The following ELMO1 variants were observed in gnomAD, a reference collection of about 807,000 sequenced individuals.
ELMO1 encodes engulfment and cell motility protein 1.
A neutral mutation model predicts 98.9 loss-of-function variants in ELMO1; 26 were observed. The observed-to-expected ratio is 0.26, with a 90% CI of 0.19 to 0.36. The LOEUF (loss-of-function observed/expected upper bound fraction) is 0.36. Among genes scored for constraint, ELMO1 ranks in the 10% least tolerant of loss-of-function variants. The pLI is 1.00. For synonymous variants in ELMO1, 346 were observed against 346.0 expected (o/e 1.00, Z 0.00); for missense variants, 627 against 935.2 (o/e 0.67, Z 4.30).
chr7:37,140,279 C>T (rs1248862132), intron 13 of ELMO1, among the ~76,000 whole-genome samples: 4 of 151,328 alleles, frequency 2.6e-5, no homozygotes, highest in African/African-American at 4.9e-5. Flanking sequence ...CCAACTACTC[C>T]GGAGGCTGAG....
intron 14 of ELMO1, among the ~76,000 whole-genome samples, chr7:37,130,053 T>C (rs1382122737): frequency 6.6e-6 from 1 of 152,148 alleles, no homozygotes; most frequent in East Asian, 1.9e-4. Flanking sequence ...ATTCAACAGT[T>C]CTGAGCCTAG....
chr7:37,248,105 T>C (rs1021847808), intron 6 of ELMO1, among the ~76,000 whole-genome samples: 3 of 151,316 alleles, frequency 2.0e-5, no homozygotes, highest in African/African-American at 4.9e-5. Context: ...CTCCTCAAAT[T>C]TGCATCCTCA....
At chr7:37,328,040 A>G (rs189235985) in intron 2 of ELMO1, among the ~76,000 whole-genome samples, 2 of 152,286 alleles carry the variant, frequency 1.3e-5, no homozygotes, top group African/African-American at 4.8e-5. Context: ...AGATGATATT[A>G]CTAAGTGTAT....
intron 15 of ELMO1, among the ~76,000 whole-genome samples, chr7:37,061,474 C>T (rs1796663793): frequency 6.6e-6 from 1 of 152,174 alleles, no homozygotes; most frequent in Admixed American, 6.5e-5. Flanking sequence ...GGTGGTAGCA[C>T]TTACTGACCC....
intron 16 of ELMO1, among the ~76,000 whole-genome samples, chr7:37,008,330 G>A (rs1021902738): frequency 6.6e-6 from 1 of 152,190 alleles, no homozygotes; most frequent in Non-Finnish European, 1.5e-5. Flanking sequence ...TTGCTACCGT[G>A]TGTTTCACAC....
intron 15 of ELMO1, among the ~76,000 whole-genome samples, chr7:37,049,425 T>C (rs1289150795): frequency 6.6e-6 from 1 of 152,174 alleles, no homozygotes; most frequent in African/African-American, 2.4e-5. Flanking sequence ...CGTCCAGCTC[T>C]CTTCTCCTTT....
Position 36,855,425 on chromosome 7 carries a change from AG to A in ELMO1, c.*125del. 1 of 1,225,614 alleles carries A rather than the reference AG, an allele frequency of 8.2e-7. No homozygotes were observed. Among genetic ancestry groups the A allele is most frequent in the East Asian group, 2.3e-5 (1 of 42,768 alleles). The allele number at this position is 1,225,614 out of a possible 1,614,324, so 75.9% of individuals were successfully genotyped here. A position where few individuals can be genotyped will look rare whatever the true frequency, so the allele number is the denominator to read the frequency against. ...TTGCCAGGGCTAGAGGTGATGCTGA[AG>A]GGAATGTGGACCCACAGCTTCCCTT... is the stretch of plus-strand genomic sequence containing the variant. On this transcript the variant is annotated 3_prime_UTR_variant, in exon 22 of 22. Coordinates refer to ENST00000310758, the MANE Select transcript of ELMO1 (RefSeq NM_014800.11). This position sits in a 1 kb window ranked among gnomAD's most constrained non-coding sequence, Gnocchi z 4.2.
rs183698356 is a variant in ELMO1 at position 36,895,413 on chromosome 7, C to A, written c.1438-396G>T. On this transcript the variant is annotated intron_variant, in intron 16 of 21. Coordinates refer to ENST00000310758, the MANE Select transcript of ELMO1 (RefSeq NM_014800.11). ...TAATTATTTTTTTCCAGGAGAAAATCGCTGAGATACAATTAACTGTGGAAG... is the reference window on the plus strand; with the variant it reads ...TAATTATTTTTTTCCAGGAGAAAATAGCTGAGATACAATTAACTGTGGAAG... 3.9e-3 allele frequency among the ~76,000 whole-genome samples: 596 copies of A among 152,222 alleles called. 4 individuals are homozygous for A. The highest frequency in any genetic ancestry group is 5.0e-3 in the Non-Finnish European group (338 of 68,008).
intron 1 of ELMO1, among the ~76,000 whole-genome samples, chr7:37,407,951 T>A (rs1004074589): frequency 6.6e-6 from 1 of 152,134 alleles, no homozygotes; most frequent in Admixed American, 6.5e-5. Context: ...AAACCTAAAA[T>A]TTCTCTTAGA....
intron 1 of ELMO1, among the ~76,000 whole-genome samples, chr7:37,401,047 G>A (rs1803506995): frequency 2.6e-5 from 4 of 152,146 alleles, no homozygotes; most frequent in Non-Finnish European, 4.4e-5. Context: ...ATCTGCAGAA[G>A]TTTAATTCAA....
intron 15 of ELMO1, among the ~76,000 whole-genome samples, chr7:37,065,304 C>T (rs946708093): frequency 2.6e-5 from 4 of 151,996 alleles, no homozygotes; most frequent in Non-Finnish European, 2.9e-5. Flanking sequence ...ATGCATCCAC[C>T]TGTGGCTACC....
At chr7:36,878,258 C>A in intron 18 of ELMO1, 141 bp from the exon 19 acceptor site, 1 of 640,442 alleles carries the variant, frequency 1.6e-6, no homozygotes, top group Non-Finnish European at 2.7e-6. Context: ...AATTCTAGGG[C>A]CCTGGGCAAT....
chr7:37,402,488 A>G (rs1803577857), intron 1 of ELMO1, among the ~76,000 whole-genome samples: 1 of 152,184 alleles, frequency 6.6e-6, no homozygotes, highest in East Asian at 1.9e-4. Flanking sequence ...CTTTCTTCCT[A>G]AGTGTTTGGG....
At chr7:37,217,545 A>G (rs1264954005) in intron 10 of ELMO1, among the ~76,000 whole-genome samples, 2 of 151,990 alleles carry the variant, frequency 1.3e-5, no homozygotes, top group Non-Finnish European at 2.9e-5. Flanking sequence ...TAAAAACTCA[A>G]CCATGATTTC....
Position 37,107,645 on chromosome 7 carries a change from G to A in ELMO1, c.1192-10918C>T, listed in dbSNP as rs530777640. On this transcript the variant is annotated intron_variant, in intron 14 of 21. Coordinates refer to ENST00000310758, the MANE Select transcript of ELMO1 (RefSeq NM_014800.11). ...CAAGAGGTTTGGCTTTTGTCTGACC[G>A]TCACTGTTGGATGAAAAATTAAGCT... 1.4e-4 allele frequency among the ~76,000 whole-genome samples: 21 copies of A among 152,288 alleles called. No individual in the cohort carries two copies. The East Asian group carries it at 1.5e-3, about 11-fold the overall frequency.
chr7:37,189,507 AC>A (rs1326480156), intron 13 of ELMO1, among the ~76,000 whole-genome samples: 3 of 152,222 alleles, frequency 2.0e-5, no homozygotes, highest in Non-Finnish European at 4.4e-5. Flanking sequence ...GTTTATGGCA[AC>A]CCAAGGGCAG....
chr7:37,062,601 A>G (rs1796724385), intron 15 of ELMO1, among the ~76,000 whole-genome samples: 2 of 152,204 alleles, frequency 1.3e-5, no homozygotes, highest in African/African-American at 2.4e-5. Flanking sequence ...GGAAAAGGAA[A>G]TGAAAGTGGG....
At chr7:37,322,177 C>G (rs1799552329) in intron 2 of ELMO1, among the ~76,000 whole-genome samples, 1 of 151,660 alleles carries the variant, frequency 6.6e-6, no homozygotes, top group Non-Finnish European at 1.5e-5. Flanking sequence ...AACTTCTGTA[C>G]TCTATTGGAA....
intron 5 of ELMO1, among the ~76,000 whole-genome samples, chr7:37,268,425 C>T (rs1416452826): frequency 1.3e-5 from 2 of 152,134 alleles, no homozygotes; most frequent in South Asian, 2.1e-4. Context: ...CTCAGCCTGC[C>T]GAGAAGCTGG....
Sources: gnomAD v4.1 joint callset for allele counts (sites outside exome capture counted in the v4.1 genomes callset) on GRCh38, gnomAD v4.1.1 for gene constraint, Gnocchi (gnomAD v3.1) non-coding constraint, MANE v1.5 for transcripts, NCBI Gene and HGNC (gene_info 2026-07-23, HGNC 2026-07-21) for gene names.